The following FAM167A variants were observed in gnomAD, a reference collection of about 807,000 sequenced individuals.
FAM167A encodes family with sequence similarity 167 member A.
A neutral mutation model predicts 14.9 loss-of-function variants in FAM167A; 23 were observed. The observed-to-expected ratio is 1.55, with a 90% CI of 1.11 to 2.19. FAM167A has a LOEUF of 2.19. Among genes scored for constraint, FAM167A ranks in the 30% most tolerant of loss-of-function variants. The pLI is 0.00. For synonymous variants in FAM167A, 174 were observed against 117.7 expected (o/e 1.48, Z -3.10); for missense variants, 401 against 281.5 (o/e 1.42, Z -3.04).
chr8:11,465,110 G>A (rs772349245), intron 1 of FAM167A, among the ~76,000 whole-genome samples: 3 of 152,146 alleles, frequency 2.0e-5, no homozygotes, highest in Non-Finnish European at 4.4e-5. Flanking sequence ...GGCCGGCCAG[G>A]CCCAACAACA....
chr8:11,448,321 G>A (rs115514143), intron 1 of FAM167A, among the ~76,000 whole-genome samples: 20 of 149,752 alleles, frequency 1.3e-4, no homozygotes, highest in Admixed American at 6.6e-4. Context: ...CATCTACCTC[G>A]TAAGTCCTAA....
At chr8:11,431,527 T>C (rs1805589927) in intron 2 of FAM167A, among the ~76,000 whole-genome samples, 1 of 152,246 alleles carries the variant, frequency 6.6e-6, no homozygotes, top group South Asian at 2.1e-4. Flanking sequence ...GTACATTTTA[T>C]ATTATACATA....
In FAM167A at chr8:11,444,185, C is replaced by T. The variant is rs148222965; in HGVS notation, c.227G>A (p.Arg76His). ...GGGGAGCAAGGGCTCCTGCCCCCCA[C>T]GCTCCCCCTCCTCCAAGCTCGCCTG... ...EPQASLEEGE[R>H]GGQEPLLPLR... Residue 76 changes from arginine (R) to histidine (H), a missense_variant, in exon 2 of 3, where the codon CGT (arginine) becomes CAT (histidine). By Grantham distance (29) the Arg-to-His change is conservative. Coordinates refer to ENST00000284486, the MANE Select transcript of FAM167A (RefSeq NM_053279.3). The T allele has an allele frequency of 7.1e-5, 115 of 1,612,796 alleles. No individual in the cohort carries two copies. The highest frequency in any genetic ancestry group is 1.7e-4 in the African/African-American group (13 of 74,904).
upstream of FAM167A, among the ~76,000 whole-genome samples, chr8:11,471,153 G>A (rs530901277): frequency 1.4e-4 from 22 of 152,292 alleles, no homozygotes; most frequent in East Asian, 3.9e-4. Flanking sequence ...TAGGTGAGGC[G>A]GAGGAGTGGG....
intron 1 of FAM167A, among the ~76,000 whole-genome samples, chr8:11,474,970 G>C (rs1024648057): frequency 1.3e-5 from 2 of 152,104 alleles, no homozygotes; most frequent in African/African-American, 4.8e-5. Context: ...GTTCAGAGTG[G>C]GTTGCACTCT....
At chr8:11,435,003 C>T (rs1008141362) in intron 2 of FAM167A, 5 of 456,306 alleles carry the variant, frequency 1.1e-5, no homozygotes, top group East Asian at 6.9e-5. Context: ...CAGCTCCCAG[C>T]ATCTGGGCCT....
chr8:11,424,369 C>A lies in FAM167A; in HGVS notation c.*4G>T, dbSNP rs747371658. 3.7e-6 allele frequency: 6 copies of A among 1,613,976 alleles called. No individual in the cohort carries two copies. The highest frequency in any genetic ancestry group is 2.2e-5 in the East Asian group (1 of 44,878). ...CCAGCCCCTCCGCCCAGTCTGAGGG[C>A]TCCTCAGCAGAGAGAGAACCTCCGA... On this transcript the variant is annotated 3_prime_UTR_variant, in exon 3 of 3. Coordinates refer to ENST00000284486, the MANE Select transcript of FAM167A (RefSeq NM_053279.3).
intron 2 of FAM167A, chr8:11,435,205 CT>C (rs1296299602): frequency 3.4e-5 from 15 of 443,988 alleles, no homozygotes; most frequent in Admixed American, 2.6e-4. Flanking sequence ...GTCCCCTCCC[CT>C]GTGGTCCCTT....
rs1554521058 is a variant in FAM167A, at chr8:11,422,373, G to GT, written c.*1999_*2000insA. The GT allele has an allele frequency of 7.7e-4, 93 of 120,330 alleles. No homozygotes were observed. Among genetic ancestry groups the GT allele is most frequent in the Non-Finnish European group, 5.1e-4 (28 of 55,326 alleles). 7.5% of individuals were successfully genotyped at this position (120,330 alleles called of 1,614,324 possible). On this transcript the variant is annotated 3_prime_UTR_variant, in exon 3 of 3. Transcript: ENST00000284486. ...TCTCTGTCGTGTGTGTGTGTGTGGG[G>GT]GTGTGTGTGTGTGTGTGTGTGTGTG...
intron 2 of FAM167A, chr8:11,443,695 G>T (rs941352229): frequency 4.0e-6 from 1 of 247,526 alleles, no homozygotes; most frequent in Non-Finnish European, 7.9e-6. Context: ...CACAGAGGGA[G>T]GGGCAGTCAC....
chr8:11,440,521 C>T (rs575990154), intron 2 of FAM167A, among the ~76,000 whole-genome samples: 1 of 152,176 alleles, frequency 6.6e-6, no homozygotes, highest in African/African-American at 2.4e-5. Context: ...GAGGCGGGAG[C>T]AGATTAAGAC....
At chr8:11,454,383 G>A (rs1807147844) in intron 1 of FAM167A, among the ~76,000 whole-genome samples, 2 of 152,240 alleles carry the variant, frequency 1.3e-5, no homozygotes, top group African/African-American at 4.8e-5. Flanking sequence ...TGGTGCAGGG[G>A]TGGCAGGAAG....
chr8:11,460,065 G>C (rs1807477077), intron 1 of FAM167A, among the ~76,000 whole-genome samples: 1 of 152,228 alleles, frequency 6.6e-6, no homozygotes, highest in Non-Finnish European at 1.5e-5. Flanking sequence ...TTTGGTTGAT[G>C]GAGGTGGCTC....
upstream of FAM167A, among the ~76,000 whole-genome samples, chr8:11,472,442 T>G (rs1445870329): frequency 7.2e-6 from 1 of 139,212 alleles, no homozygotes; most frequent in Non-Finnish European, 1.5e-5. Flanking sequence ...TTTGGGTTTT[T>G]TTTTTTTTTT....
At chr8:11,465,093 G>A (rs973291772) in intron 1 of FAM167A, among the ~76,000 whole-genome samples, 66 of 152,194 alleles carry the variant, frequency 4.3e-4, no homozygotes, top group African/African-American at 1.4e-3. Context: ...CAGGTGGGAA[G>A]AATTGAGGCC....
intron 1 of FAM167A, among the ~76,000 whole-genome samples, chr8:11,454,201 C>G (rs537416461): frequency 2.0e-5 from 3 of 152,224 alleles, no homozygotes; most frequent in Non-Finnish European, 4.4e-5. Context: ...GGCTCTGCTG[C>G]CAAAGCCAGG....
intron 1 of FAM167A, chr8:11,445,595 G>A: frequency 3.0e-6 from 3 of 985,506 alleles, no homozygotes; most frequent in Non-Finnish European, 3.6e-6. Context: ...CTTCAGCTAT[G>A]GGATCTGATG....
At chr8:11,460,319 T>C (rs1483952380) in intron 1 of FAM167A, among the ~76,000 whole-genome samples, 1 of 151,922 alleles carries the variant, frequency 6.6e-6, no homozygotes, top group Non-Finnish European at 1.5e-5. Context: ...GAGAAAAGAG[T>C]TCCCGACCTG....
At chr8:11,436,836 G>A (rs1419591112) in intron 2 of FAM167A, among the ~76,000 whole-genome samples, 7 of 152,198 alleles carry the variant, frequency 4.6e-5, no homozygotes, top group African/African-American at 4.8e-5. Flanking sequence ...GATGCTGAGC[G>A]AGAACCAGCT....
Sources: gnomAD v4.1 joint callset for allele counts (sites outside exome capture counted in the v4.1 genomes callset) on GRCh38, gnomAD v4.1.1 for gene constraint, MANE v1.5 for transcripts, NCBI Gene and HGNC (gene_info 2026-07-23, HGNC 2026-07-21) for gene names.